The following RPS6KA2 variants were observed in gnomAD, a reference collection of about 807,000 sequenced individuals.
RPS6KA2 encodes ribosomal protein S6 kinase A2.
A neutral mutation model predicts 91.8 loss-of-function variants in RPS6KA2; 42 were observed. The observed-to-expected ratio is 0.46, with a 90% CI of 0.36 to 0.59. The LOEUF (loss-of-function observed/expected upper bound fraction) is 0.59, where lower values mean the gene tolerates loss of function less well. Among genes scored for constraint, RPS6KA2 ranks in the 20% least tolerant of loss-of-function variants. The probability of loss-of-function intolerance (pLI) is 0.00; values close to 1 mark genes in which losing one functional copy is unlikely to be tolerated. For synonymous variants in RPS6KA2, 414 were observed against 393.6 expected, an observed-to-expected ratio of 1.05 and a Z score of -0.61; for missense variants, 798 against 978.5, an observed-to-expected ratio of 0.82 and a Z score of 2.46.
In RPS6KA2 at chr6:166,626,908, G is replaced by A. The variant is rs774359086; in HGVS notation, c.99+13C>T. 4 of 1,498,996 alleles carry A rather than the reference G, an allele frequency of 2.7e-6. No homozygotes were observed. The highest frequency in any genetic ancestry group is 2.7e-6 in the Non-Finnish European group (3 of 1,119,270). 92.9% of individuals were successfully genotyped at this position (1,498,996 alleles called of 1,614,324 possible). On this transcript the variant is annotated intron_variant, in intron 1 of 20. Transcript: ENST00000265678. The surrounding 1 kb of genome is among the most constrained non-coding windows in gnomAD (Gnocchi z 4.1). Reference sequence around the variant, plus strand: ...TGCCCGGCACCTGCGCGCCCCGAGGGCGGCCGCATTACCTCGAGCCGGCTC... The same window carrying A: ...TGCCCGGCACCTGCGCGCCCCGAGGACGGCCGCATTACCTCGAGCCGGCTC...
intron 3 of RPS6KA2, among the ~76,000 whole-genome samples, chr6:166,517,464 T>TG (rs1387598618): frequency 1.7e-3 from 96 of 55,336 alleles, no homozygotes; most frequent in African/African-American, 4.5e-3. Context: ...TGTTTTTTTT[T>TG]TTTTTTTTTT....
At chr6:166,728,367 C>A (rs1021965099) in intron 2 of RPS6KA2, among the ~76,000 whole-genome samples, 5 of 152,306 alleles carry the variant, frequency 3.3e-5, no homozygotes, top group Admixed American at 3.3e-4. Flanking sequence ...ACGCAGGGGT[C>A]CCCCGGGGTC....
rs1376559940 is a variant in RPS6KA2 at position 166,563,802 on chromosome 6, A to G, written c.100-25018T>C. Among the ~76,000 whole-genome samples, 1 of 152,222 alleles carries G rather than the reference A, an allele frequency of 6.6e-6. No homozygotes were observed. The highest frequency in any genetic ancestry group is 6.5e-5 in the Admixed American group (1 of 15,278). ...TAAGATGTATATGATTTTCATATCT[A>G]TATCAGTGCTTATAATATTGTTTGC... On this transcript the variant is annotated intron_variant, in intron 1 of 20. Transcript: ENST00000265678. This position sits in a 1 kb window ranked among gnomAD's most constrained non-coding sequence, Gnocchi z 4.1.
chr6:166,517,326 A>C (rs1160740883), intron 3 of RPS6KA2, among the ~76,000 whole-genome samples: 3 of 152,106 alleles, frequency 2.0e-5, no homozygotes, highest in Non-Finnish European at 4.4e-5. Context: ...CAGGCCCCCA[A>C]ATCTGGCCAT....
Position 166,644,311 on chromosome 6 carries a change from T to C in RPS6KA2, c.124-105527A>G, listed in dbSNP as rs142982650. 3.5e-3 allele frequency among the ~76,000 whole-genome samples: 532 copies of C among 152,274 alleles called. 3 individuals carry two copies. The highest frequency in any genetic ancestry group is 5.9e-3 in the Non-Finnish European group (398 of 68,032). On this transcript the variant is annotated intron_variant, in intron 2 of 21. Coordinates refer to the RPS6KA2 transcript ENST00000503859. ...GGCACAGATGTTATATTCACAATGG[T>C]ACATCCTGAAGTTCAACACAGGGAA... is the stretch of plus-strand genomic sequence containing the variant.
At chr6:166,485,981 G>C (rs917033093) in intron 10 of RPS6KA2, among the ~76,000 whole-genome samples, 1 of 152,182 alleles carries the variant, frequency 6.6e-6, no homozygotes, top group African/African-American at 2.4e-5. Context: ...TTCCTGAGCC[G>C]AGTCACTGTG....
At chr6:166,413,705 G>C (rs1778398224) in intron 20 of RPS6KA2, 89 bp downstream of exon 20, 1 of 1,395,798 alleles carries the variant, frequency 7.2e-7, no homozygotes, top group Non-Finnish European at 9.8e-7. Context: ...TCTGCACTCT[G>C]TGGTTTCTTC....
rs148787246 is a variant in RPS6KA2, at chr6:166,858,204, T to C, written c.119A>G (p.Glu40Gly). 12 of 1,522,160 alleles carry C rather than the reference T, an allele frequency of 7.9e-6. No homozygotes were observed. The African/African-American group carries it at 1.6e-4, about 20-fold the overall frequency. The allele number at this position is 1,522,160 out of a possible 1,614,324, so 94.3% of individuals were successfully genotyped here. ...TAATAAAACGTGTATAGTTACTTCTTCTGCAGTGTCTTCTGTGGTGGGCTC... is the reference window on the plus strand; with the variant it reads ...TAATAAAACGTGTATAGTTACTTCTCCTGCAGTGTCTTCTGTGGTGGGCTC... Residue 40 changes from glutamate to glycine, a missense_variant, in exon 2 of 22, where the codon GAA becomes GGA. By Grantham distance (98) the Glu-to-Gly change is moderately conservative. Coordinates refer to the RPS6KA2 transcript ENST00000503859.
chr6:166,811,615 C>T (rs188707266), intron 2 of RPS6KA2, among the ~76,000 whole-genome samples: 257 of 152,278 alleles, frequency 1.7e-3, no homozygotes, highest in African/African-American at 5.9e-3. Context: ...CAGGGCAAGA[C>T]CTAGCCTCAG....
intron 2 of RPS6KA2, among the ~76,000 whole-genome samples, chr6:166,706,211 G>C (rs924889536): frequency 2.0e-5 from 3 of 152,176 alleles, no homozygotes; most frequent in African/African-American, 7.2e-5. Context: ...TTAAACTTAA[G>C]TGGTGAAATT....
chr6:166,486,667 C>T lies in RPS6KA2; in HGVS notation c.907+2166G>A, dbSNP rs74978054. The stretch of plus-strand genomic sequence containing the variant: ...AGGTGGCATTGGGGGCTGGGTCCAT[C>T]GGTGTCTCCATGTGCCCTGGCATGG... On this transcript the variant is annotated intron_variant, in intron 10 of 20. Coordinates refer to ENST00000265678, the MANE Select transcript of RPS6KA2 (RefSeq NM_021135.6). Among the ~76,000 whole-genome samples the T allele has an allele frequency of 8.3e-4, 127 of 152,382 alleles. 3 individuals are homozygous for T. In the East Asian group the frequency reaches 0.02, roughly 25 times the overall value.
chr6:166,500,865 G>T lies in RPS6KA2; in HGVS notation c.604+22C>A. The stretch of plus-strand genomic sequence containing the variant: ...CAGGGCTGAGATGAAGCCATGGAGG[G>T]GGCCTGCCGTCTTTTACAAACCTGT... On this transcript the variant is annotated intron_variant, in intron 7 of 20. Coordinates refer to ENST00000265678, the MANE Select transcript of RPS6KA2 (RefSeq NM_021135.6). This position sits in a 1 kb window ranked among gnomAD's most constrained non-coding sequence, Gnocchi z 4.3. 1 of 1,611,938 alleles carries T rather than the reference G, an allele frequency of 6.2e-7. No homozygotes were observed. The highest frequency in any genetic ancestry group is 8.5e-7 in the Non-Finnish European group (1 of 1,178,052).
chr6:166,438,920 A>AC (rs1283058544), intron 14 of RPS6KA2, among the ~76,000 whole-genome samples: 1 of 152,218 alleles, frequency 6.6e-6, no homozygotes, highest in Non-Finnish European at 1.5e-5. Context: ...TCCAATTAAA[A>AC]AAAAAAAATT....
chr6:166,718,229 G>A (rs375248248), intron 2 of RPS6KA2, among the ~76,000 whole-genome samples: 115 of 152,302 alleles, frequency 7.6e-4, no homozygotes, highest in African/African-American at 2.6e-3. Context: ...CTGAGCTCCA[G>A]GCACAAAGGG....
intron 1 of RPS6KA2, among the ~76,000 whole-genome samples, chr6:166,552,415 G>A (rs1346260808): frequency 6.6e-6 from 1 of 152,234 alleles, no homozygotes; most frequent in Non-Finnish European, 1.5e-5. Flanking sequence ...CCCACATGAT[G>A]ACAGCCAATC....
chr6:166,714,848 C>G (rs1412566797), intron 2 of RPS6KA2, among the ~76,000 whole-genome samples: 1 of 152,234 alleles, frequency 6.6e-6, no homozygotes, highest in East Asian at 1.9e-4. Context: ...ACACCAATAC[C>G]AGGTCCCAGG....
chr6:166,537,642 T>A (rs1783523881), intron 2 of RPS6KA2, among the ~76,000 whole-genome samples: 1 of 152,240 alleles, frequency 6.6e-6, no homozygotes, highest in African/African-American at 2.4e-5. Context: ...TCCAGAACAC[T>A]AATGTACTAT....
chr6:166,831,131 C>A (rs1780173141), intron 2 of RPS6KA2, among the ~76,000 whole-genome samples: 1 of 152,070 alleles, frequency 6.6e-6, no homozygotes, highest in African/African-American at 2.4e-5. Flanking sequence ...ATGGAAGAGG[C>A]GCCTCCCTCC....
At chr6:166,844,433 T>C (rs1451918748) in intron 2 of RPS6KA2, among the ~76,000 whole-genome samples, 1 of 152,174 alleles carries the variant, frequency 6.6e-6, no homozygotes. Flanking sequence ...TCTGGGAAGT[T>C]CATCACAAAA....
Sources: allele counts gnomAD v4.1 joint callset (sites outside exome capture counted in the v4.1 genomes callset), GRCh38; gene constraint gnomAD v4.1.1; non-coding constraint Gnocchi (gnomAD v3.1); transcripts MANE v1.5; gene names NCBI Gene and HGNC (gene_info 2026-07-23, HGNC 2026-07-21).